The following ZC3H18 variants were observed in gnomAD, a reference collection of about 807,000 sequenced individuals.
ZC3H18 encodes zinc finger CCCH-type containing 18, also known as zinc finger CCCH domain-containing protein 18.
A neutral mutation model predicts 106.1 loss-of-function variants in ZC3H18; 8 were observed. The observed-to-expected ratio is 0.08, with a 90% confidence interval of 0.04 to 0.14. The LOEUF (loss-of-function observed/expected upper bound fraction) is 0.14, where lower values mean the gene tolerates loss of function less well. Among genes scored for constraint, ZC3H18 ranks in the 10% least tolerant of loss-of-function variants. ZC3H18 has a pLI of 1.00. For missense variants in ZC3H18, 1,318 were observed against 1,278.4 expected, an observed-to-expected ratio of 1.03 and a Z score of -0.47; for synonymous variants, 635 against 522.1, an observed-to-expected ratio of 1.22 and a Z score of -2.95.
intron 2 of ZC3H18, among the ~76,000 whole-genome samples, chr16:88,582,716 A>G (rs982916189): frequency 3.9e-5 from 6 of 152,190 alleles, no homozygotes; most frequent in African/African-American, 1.4e-4. Context: ...ACATAGCCAC[A>G]TGAAAAAGCG....
intron 6 of ZC3H18, among the ~76,000 whole-genome samples, chr16:88,604,063 T>TA (rs1165833495): frequency 2.6e-5 from 4 of 152,126 alleles, no homozygotes; most frequent in Admixed American, 2.0e-4. Context: ...AAACCTCACA[T>TA]ATTGGCTGGA....
intron 8 of ZC3H18, among the ~76,000 whole-genome samples, chr16:88,613,886 A>G (rs1415792144): frequency 1.3e-5 from 2 of 152,154 alleles, no homozygotes; most frequent in Middle Eastern, 6.3e-3. Context: ...GCTCTTACAC[A>G]TAGGTCTTTG....
chr16:88,625,054 C>A, intron 12 of ZC3H18, 148 bp from the exon 13 acceptor site: 1 of 959,518 alleles, frequency 1.0e-6, no homozygotes, highest in Non-Finnish European at 1.6e-6. Context: ...AAACACTGAG[C>A]CTAAAGGAAG....
At position 88,630,767 on chromosome 16, in the gene ZC3H18, CA is replaced by C. The variant is rs1422364305; in HGVS notation, c.2663+187del. On this transcript the variant is annotated intron_variant, in intron 17 of 17. Transcript: ENST00000301011. ...CAGCCCCACCCCCCACCCCCCCCCA[CA>C]CACACACACACGCTCCTGCCCTGGT... is the stretch of plus-strand genomic sequence containing the variant. 8.5e-4 allele frequency among the ~76,000 whole-genome samples: 76 copies of C among 89,552 alleles called. 5 individuals carry two copies. The highest frequency in any genetic ancestry group is 1.5e-3 in the South Asian group (4 of 2,724). 58.7% of individuals were successfully genotyped at this position (89,552 alleles called of 152,430 possible). A position where few individuals can be genotyped will look rare whatever the true frequency, so the allele number is the denominator to read the frequency against.
intron 7 of ZC3H18, 198 bp downstream of exon 7, chr16:88,609,249 A>G (rs1819028585): frequency 2.7e-6 from 1 of 372,968 alleles, no homozygotes; most frequent in Admixed American, 4.3e-5. Context: ...TTGAACAAAG[A>G]CTTGCCTGAA....
At chr16:88,603,778 A>G (rs1187856081) in intron 6 of ZC3H18, among the ~76,000 whole-genome samples, 1 of 136,712 alleles carries the variant, frequency 7.3e-6, no homozygotes, top group African/African-American at 2.7e-5. Context: ...GCCTGCCACC[A>G]TGCCCGGCTA....
At position 88,627,066 on chromosome 16, in the gene ZC3H18, G is replaced by A. The variant is rs550953604; in HGVS notation, c.2109-556G>A. 5.9e-5 allele frequency: 9 copies of A among 152,406 alleles called. No homozygotes were observed. Among genetic ancestry groups the A allele is most frequent in the African/African-American group, 1.7e-4 (7 of 41,514 alleles). 9.4% of individuals were successfully genotyped at this position (152,406 alleles called of 1,614,324 possible). ...CTTCCCAAAAAGCAACCTGACATTCGTTTTGTTTTTTGTTTGTTTTGAGAC... is the reference window on the plus strand; with the variant it reads ...CTTCCCAAAAAGCAACCTGACATTCATTTTGTTTTTTGTTTGTTTTGAGAC... On this transcript the variant is annotated intron_variant, in intron 13 of 17. Coordinates refer to ENST00000301011, the MANE Select transcript of ZC3H18 (RefSeq NM_144604.4). This position sits in a 1 kb window ranked among gnomAD's most constrained non-coding sequence, Gnocchi z 4.5.
chr16:88,627,400 G>T lies in ZC3H18; in HGVS notation c.2109-222G>T. ...TTACAGGCGTGAGCAGCCGTGCCTG[G>T]CTGCAACCTGACATTGATTAGTGAA... is the stretch of plus-strand genomic sequence containing the variant. On this transcript the variant is annotated intron_variant, in intron 13 of 17. Transcript: ENST00000301011. This position sits in a 1 kb window ranked among gnomAD's most constrained non-coding sequence, Gnocchi z 4.5. The T allele has an allele frequency of 1.9e-6, 1 of 519,274 alleles. No homozygotes were observed. The highest frequency in any genetic ancestry group is 3.3e-6 in the Non-Finnish European group (1 of 300,346). The allele number at this position is 519,274 out of a possible 1,614,324, so 32.2% of individuals were successfully genotyped here. A position where few individuals can be genotyped will look rare whatever the true frequency, so the allele number is the denominator to read the frequency against.
chr16:88,584,821 G>C (rs986823778), intron 2 of ZC3H18, among the ~76,000 whole-genome samples: 6 of 152,186 alleles, frequency 3.9e-5, no homozygotes, highest in Non-Finnish European at 7.3e-5. Flanking sequence ...CAGAAACAAT[G>C]CTACATCTGA....
intron 3 of ZC3H18, among the ~76,000 whole-genome samples, chr16:88,587,263 T>C (rs1915492685): frequency 2.0e-5 from 3 of 152,190 alleles, no homozygotes; most frequent in South Asian, 4.1e-4. Context: ...TTTTAAAATG[T>C]GGCAGAACTC....
rs549697843 is a variant in ZC3H18, at chr16:88,611,301, C to CAGCGCG, written c.1251_1256dup (p.Glu422_Arg423dup). 592 of 770,676 alleles carry CAGCGCG rather than the reference C, an allele frequency of 7.7e-4. 1 individual carries two copies. The highest frequency in any genetic ancestry group is 8.1e-4 in the Non-Finnish European group (335 of 415,730). 47.7% of individuals were successfully genotyped at this position (770,676 alleles called of 1,614,324 possible). A position where few individuals can be genotyped will look rare whatever the true frequency, so the allele number is the denominator to read the frequency against. ...GCGGGAGCGAGAGAGAGAGAACAGA[C>CAGCGCG]AGCGCGAGCGCGAGCGGGAGCGGGA... On this transcript the variant is annotated inframe_insertion, in exon 8 of 18. Transcript: ENST00000301011.
chr16:88,586,743 G>A (rs893055011), intron 3 of ZC3H18, 59 bp downstream of exon 3: 7 of 1,414,614 alleles, frequency 4.9e-6, no homozygotes, highest in Non-Finnish European at 7.0e-6. Flanking sequence ...TTCTGGGGCT[G>A]TGGTGCTGGC....
rs1266381557 is a variant in ZC3H18, at chr16:88,587,986, C to A, written c.688+1302C>A. On this transcript the variant is annotated intron_variant, in intron 3 of 17. Transcript: ENST00000301011. ...TTGCCAAGCAAAAACAGTTGACGTG[C>A]CCAAGTCACACGTGCATGTGAGGGG... 2.6e-5 allele frequency among the ~76,000 whole-genome samples: 4 copies of A among 152,184 alleles called. No individual in the cohort carries two copies. The East Asian group carries it at 5.8e-4, about 22-fold the overall frequency.
chr16:88,604,889 G>A (rs538092271), intron 6 of ZC3H18, among the ~76,000 whole-genome samples: 1 of 152,202 alleles, frequency 6.6e-6, no homozygotes, highest in Admixed American at 6.5e-5. Context: ...CAGGCTGTCA[G>A]GCCATGGCCA....
intron 1 of ZC3H18, among the ~76,000 whole-genome samples, 154 bp from the exon 2 acceptor site, chr16:88,576,956 C>G (rs1914789379): frequency 1.3e-5 from 2 of 152,140 alleles, no homozygotes; most frequent in Admixed American, 1.3e-4. Flanking sequence ...GAGTTATGGC[C>G]TGTCTTTCTC....
chr16:88,577,747 C>A, intron 2 of ZC3H18, 21 bp downstream of exon 2: 2 of 1,612,458 alleles, frequency 1.2e-6, no homozygotes, highest in South Asian at 2.2e-5. Flanking sequence ...TGGAGCAGAG[C>A]GTCGCGGGGC....
At chr16:88,593,430 C>G (rs942476554) in intron 3 of ZC3H18, among the ~76,000 whole-genome samples, 6 of 152,260 alleles carry the variant, frequency 3.9e-5, no homozygotes. Flanking sequence ...AAGATTTCAT[C>G]ACGCTGCTCA....
In ZC3H18 at chr16:88,624,752, A is replaced by C. The variant is rs1567599370; in HGVS notation, c.2042+7A>C. 1 of 1,607,442 alleles carries C rather than the reference A, an allele frequency of 6.2e-7. No homozygotes were observed. The highest frequency in any genetic ancestry group is 2.2e-5 in the East Asian group (1 of 44,700). On this transcript the variant is annotated splice_region_variant and intron_variant, in intron 12 of 17. Coordinates refer to ENST00000301011, the MANE Select transcript of ZC3H18 (RefSeq NM_144604.4). ...CCAGGACCCCCCCCAGGAGGTGAGC[A>C]CTCCGGCGTCCGGGGCCCTCAGGCT...
At position 88,624,740 on chromosome 16, in the gene ZC3H18, C is replaced by T. The variant is rs774852012; in HGVS notation, c.2037C>T (p.Pro679=). The change falls in exon 12 of 18, where the codon CCC becomes CCT. Residue 679 remains proline (P), a synonymous_variant. Coordinates refer to ENST00000301011, the MANE Select transcript of ZC3H18 (RefSeq NM_144604.4). ...AGGAGCGGCCAGCCAGGACCCCCCCCAGGAGGTGAGCACTCCGGCGTCCGG... is the reference window on the plus strand; with the variant it reads ...AGGAGCGGCCAGCCAGGACCCCCCCTAGGAGGTGAGCACTCCGGCGTCCGG... The part of the protein sequence containing the change: ...RRKERPARTP[P]RRRTLSGSGS... 1.2e-5 allele frequency: 19 copies of T among 1,611,764 alleles called. No homozygotes were observed. Among genetic ancestry groups the T allele is most frequent in the Admixed American group, 1.2e-4 (7 of 59,814 alleles).
Sources: gnomAD v4.1 joint callset for allele counts (sites outside exome capture counted in the v4.1 genomes callset) on GRCh38, gnomAD v4.1.1 for gene constraint, Gnocchi (gnomAD v3.1) non-coding constraint, MANE v1.5 for transcripts, NCBI Gene and HGNC (gene_info 2026-07-23, HGNC 2026-07-21) for gene names.